CDH8: variants seen among roughly 807,000 people sequenced by gnomAD.
CDH8 encodes the protein cadherin 8, also known as cadherin-8.
A neutral mutation model predicts 68.1 loss-of-function variants in CDH8; 17 were observed. The observed-to-expected ratio is 0.25, with a 90% confidence interval of 0.17 to 0.37. The LOEUF (loss-of-function observed/expected upper bound fraction) is 0.37, where lower values mean the gene tolerates loss of function less well. Ranked by LOEUF, CDH8 falls within the 10% of genes least tolerant of loss-of-function variation. CDH8 has a pLI of 1.00. For synonymous variants in CDH8, 372 were observed against 365.1 expected, an observed-to-expected ratio of 1.02 and a Z score of -0.21; for missense variants, 763 against 999.3, an observed-to-expected ratio of 0.76 and a Z score of 3.19.
chr16:61,701,922 A>C (rs1964436080), intron 10 of CDH8, among the ~76,000 whole-genome samples: 1 of 152,204 alleles, frequency 6.6e-6, no homozygotes, highest in Admixed American at 6.5e-5. Flanking sequence ...GTTGACTGTC[A>C]GTCTTAATTT....
chr16:61,817,428 T>C (rs1386375342), intron 7 of CDH8, 51 bp downstream of exon 7: 2 of 1,592,636 alleles, frequency 1.3e-6, no homozygotes, highest in Admixed American at 3.3e-5. Flanking sequence ...CATTTTTCAC[T>C]GATCTGCTTG....
intron 4 of CDH8, among the ~76,000 whole-genome samples, chr16:61,850,204 A>C (rs1962910148): frequency 6.6e-6 from 1 of 152,048 alleles, no homozygotes; most frequent in South Asian, 2.1e-4. Flanking sequence ...GAAGGTGAAG[A>C]GGGAGCAAGG....
At chr16:62,031,677 A>AAC (rs10528241) in intron 1 of CDH8, among the ~76,000 whole-genome samples, 289 of 150,010 alleles carry the variant, frequency 1.9e-3, no homozygotes, top group East Asian at 5.1e-3. Flanking sequence ...CACACCCACA[A>AAC]ACACACACAC....
chr16:61,890,579 A>C (rs984091300), intron 3 of CDH8, among the ~76,000 whole-genome samples: 3 of 152,180 alleles, frequency 2.0e-5, no homozygotes, highest in African/African-American at 7.2e-5. Flanking sequence ...TTGTTTACCT[A>C]TGGCGGTGGG....
intron 2 of CDH8, among the ~76,000 whole-genome samples, chr16:61,975,254 C>T (rs1048701602): frequency 2.6e-5 from 4 of 151,720 alleles, no homozygotes; most frequent in Non-Finnish European, 5.9e-5. Flanking sequence ...AGAAAAAAAC[C>T]GAAAGAGAGA....
chr16:61,968,392 A>C (rs1217735389), intron 2 of CDH8, among the ~76,000 whole-genome samples: 1 of 152,186 alleles, frequency 6.6e-6, no homozygotes, highest in Non-Finnish European at 1.5e-5. Context: ...TCTAAAGGTG[A>C]TAAAGGTTCT....
intron 10 of CDH8, among the ~76,000 whole-genome samples, chr16:61,675,870 T>C (rs566192593): frequency 6.6e-6 from 1 of 151,156 alleles, no homozygotes; most frequent in Non-Finnish European, 1.5e-5. Flanking sequence ...TATTATAAAC[T>C]TTAGACTAAT....
At chr16:61,768,324 C>G (rs1010518034) in intron 8 of CDH8, among the ~76,000 whole-genome samples, 29 of 79,496 alleles carry the variant, frequency 3.6e-4, no homozygotes, top group South Asian at 3.1e-3. Context: ...TTCTCTCTCT[C>G]TCTCTCTCTC....
chr16:61,663,144 G>C (rs1158607505), intron 10 of CDH8, among the ~76,000 whole-genome samples: 3 of 151,898 alleles, frequency 2.0e-5, no homozygotes, highest in Non-Finnish European at 4.4e-5. Context: ...AGAAATACAA[G>C]GTATGTGCCA....
intron 10 of CDH8, among the ~76,000 whole-genome samples, chr16:61,656,151 C>T (rs532387921): frequency 2.6e-5 from 4 of 152,160 alleles, no homozygotes; most frequent in Non-Finnish European, 5.9e-5. Context: ...GGGGTACAGG[C>T]GTGAGCCACT....
chr16:61,666,809 G>A (rs987140580), intron 10 of CDH8, among the ~76,000 whole-genome samples: 5 of 151,924 alleles, frequency 3.3e-5, no homozygotes, highest in Non-Finnish European at 7.4e-5. Context: ...TGTTGTGTCT[G>A]TTGTTTATTT....
intron 2 of CDH8, among the ~76,000 whole-genome samples, chr16:61,923,833 G>A (rs1489267437): frequency 6.8e-6 from 1 of 146,466 alleles, no homozygotes; most frequent in Admixed American, 6.9e-5. Flanking sequence ...TATATGTGAT[G>A]TATATATTTG....
intron 8 of CDH8, among the ~76,000 whole-genome samples, chr16:61,731,746 A>G (rs1446752074): frequency 1.3e-5 from 2 of 151,866 alleles, no homozygotes; most frequent in East Asian, 1.9e-4. Flanking sequence ...CAAACAATAA[A>G]CAAACATAGG....
rs150462483 is a variant in CDH8, at chr16:61,652,792, C to A, written c.*816G>T. Reference sequence around the variant, plus strand: ...CGAGGATTAAACAAATAAATTCACGCGCTAGCAATAAAACCATCTGTCTCT... The same window carrying A: ...CGAGGATTAAACAAATAAATTCACGAGCTAGCAATAAAACCATCTGTCTCT... On this transcript the variant is annotated 3_prime_UTR_variant, in exon 12 of 12. Transcript: ENST00000577390. 18 of 1,347,600 alleles carry A rather than the reference C, an allele frequency of 1.3e-5. No homozygotes were observed. The African/African-American group carries it at 2.7e-4, about 20-fold the overall frequency. The allele number at this position is 1,347,600 out of a possible 1,614,324, so 83.5% of individuals were successfully genotyped here.
chr16:61,672,800 G>C (rs933571766), intron 10 of CDH8, among the ~76,000 whole-genome samples: 1 of 151,986 alleles, frequency 6.6e-6, no homozygotes, highest in African/African-American at 2.4e-5. Flanking sequence ...TCATATTGAG[G>C]AAGAGTTCTC....
At chr16:61,736,600 C>A (rs995619499) in intron 8 of CDH8, among the ~76,000 whole-genome samples, 1 of 152,074 alleles carries the variant, frequency 6.6e-6, no homozygotes, top group Non-Finnish European at 1.5e-5. Context: ...TCCCCAAACA[C>A]CACCAAAATA....
intron 10 of CDH8, among the ~76,000 whole-genome samples, chr16:61,712,666 G>C (rs968405604): frequency 2.0e-5 from 3 of 151,492 alleles, no homozygotes; most frequent in Non-Finnish European, 4.4e-5. Flanking sequence ...GCTAACAAAT[G>C]AATACTCCAT....
intron 4 of CDH8, among the ~76,000 whole-genome samples, chr16:61,842,182 C>T (rs532757166): frequency 5.9e-4 from 89 of 151,778 alleles, no homozygotes; most frequent in East Asian, 3.1e-3. Context: ...GCTGGCATTA[C>T]GGGCATGAGC....
chr16:61,982,512 C>A (rs937580665), intron 2 of CDH8, among the ~76,000 whole-genome samples: 2 of 152,208 alleles, frequency 1.3e-5, no homozygotes, highest in African/African-American at 4.8e-5. Context: ...AACCACCGCG[C>A]CCGGCTAGGC....
Sources: allele counts gnomAD v4.1 joint callset (sites outside exome capture counted in the v4.1 genomes callset), GRCh38; gene constraint gnomAD v4.1.1; transcripts MANE v1.5; gene names NCBI Gene and HGNC (gene_info 2026-07-23, HGNC 2026-07-21).